CAST: variants seen among roughly 807,000 people sequenced by gnomAD.
CAST encodes MIR583 host.
In CAST, 76 loss-of-function variants were observed where a neutral mutation model predicts 119.6. The observed-to-expected ratio is 0.64, with a 90% CI of 0.53 to 0.77. The LOEUF is 0.77. Among genes scored for constraint, CAST ranks in the 30% least tolerant of loss-of-function variants. CAST has a pLI of 0.00. For missense variants in CAST, 953 were observed against 946.5 expected (o/e 1.01, Z -0.09); for synonymous variants, 319 against 331.6 (o/e 0.96, Z 0.41).
At chr5:96,462,473 T>C in the CAST span, among the ~76,000 whole-genome samples, 1 of 152,158 alleles carries the variant, frequency 6.6e-6, no homozygotes, top group East Asian at 1.9e-4. Context: ...TAGTAGTACA[T>C]GCTTTCTTGG....
the CAST span, among the ~76,000 whole-genome samples, chr5:95,998,434 T>G: frequency 2.0e-5 from 3 of 152,090 alleles, no homozygotes; most frequent in Non-Finnish European, 2.9e-5. Flanking sequence ...TTTTGTAGAC[T>G]CCAGTGTCTG....
the CAST span, among the ~76,000 whole-genome samples, chr5:96,208,906 T>C: frequency 6.6e-6 from 1 of 151,784 alleles, no homozygotes; most frequent in Admixed American, 6.6e-5. Flanking sequence ...GATTTGTTTA[T>C]TACTGTTGGT....
Position 96,673,640 on chromosome 5 carries a change from C to G in CAST, c.76-1899C>G, listed in dbSNP as rs187224579. Among the ~76,000 whole-genome samples the G allele has an allele frequency of 3.6e-3, 552 of 152,288 alleles. 1 individual carries two copies. Among genetic ancestry groups the G allele is most frequent in the Admixed American group, 8.0e-3 (123 of 15,290 alleles). On this transcript the variant is annotated intron_variant, in intron 1 of 31. Transcript: ENST00000675179. ...TTAGTAAGGTATCCGAGGACAGAGA[C>G]CACCTCATGCTAATGGCCCCCTTAT...
At chr5:96,536,474 T>C (rs1580814684) in intron 1 of CAST, among the ~76,000 whole-genome samples, 2 of 152,222 alleles carry the variant, frequency 1.3e-5, no homozygotes, top group Admixed American at 1.3e-4. Context: ...AGATCAATGA[T>C]GTCTTTGACA....
At chr5:96,501,502 G>A in the CAST span, among the ~76,000 whole-genome samples, 103 of 152,212 alleles carry the variant, frequency 6.8e-4, no homozygotes, top group Non-Finnish European at 1.1e-3. Flanking sequence ...AATCATAAGA[G>A]GATCATTTCA....
In CAST at chr5:96,565,077, G is replaced by GGTGTGTGTGTGTGTGTGTGTGT. The variant is rs61240765; in HGVS notation, c.60+35204_60+35225dup. 5.0e-4 allele frequency among the ~76,000 whole-genome samples: 74 copies of GGTGTGTGTGTGTGTGTGTGTGT among 148,742 alleles called. No individual in the cohort carries two copies. In the East Asian group the frequency reaches 0.01, roughly 21 times the overall value. ...TTAAAGTATAAAAACACATGGGAAAGGTGTGTGTGTGTGTGTGTGTGTGTG... is the reference window on the plus strand; with the variant it reads ...TTAAAGTATAAAAACACATGGGAAAGGTGTGTGTGTGTGTGTGTGTGTGTGTGTGTGTGTGTGTGTGTGTGTG... On this transcript the variant is annotated intron_variant, in intron 1 of 11. Coordinates refer to the CAST transcript ENST00000505143.
At chr5:96,655,721 A>G (rs1373295214) in intron 1 of CAST, among the ~76,000 whole-genome samples, 1 of 152,264 alleles carries the variant, frequency 6.6e-6, no homozygotes, top group Non-Finnish European at 1.5e-5. Flanking sequence ...ATAGTTGGTT[A>G]TGACATTTAG....
At chr5:96,220,512 A>T in the CAST span, among the ~76,000 whole-genome samples, 2 of 152,208 alleles carry the variant, frequency 1.3e-5, no homozygotes, top group Non-Finnish European at 2.9e-5. Context: ...TTCACAGAAA[A>T]AAGAAACTGA....
chr5:95,987,931 C>A, the CAST span, among the ~76,000 whole-genome samples: 3 of 152,206 alleles, frequency 2.0e-5, no homozygotes, highest in African/African-American at 4.8e-5. Context: ...GCAGAGATAT[C>A]AAATGTTTCC....
the CAST span, among the ~76,000 whole-genome samples, chr5:96,095,125 G>GTCTAAA: frequency 1.3e-5 from 2 of 152,166 alleles, no homozygotes; most frequent in Admixed American, 1.3e-4. Context: ...GCTGTATCTT[G>GTCTAAA]TGTCAGTCAT....
chr5:96,550,804 AG>A (rs1295546849), intron 1 of CAST, among the ~76,000 whole-genome samples: 1 of 152,264 alleles, frequency 6.6e-6, no homozygotes, highest in Non-Finnish European at 1.5e-5. Flanking sequence ...ATCAAGTGGA[AG>A]AAAGGATATC....
the CAST span, among the ~76,000 whole-genome samples, chr5:96,426,397 T>C: frequency 3.9e-5 from 6 of 152,152 alleles, no homozygotes; most frequent in East Asian, 9.6e-4. Context: ...ATTGCAAATA[T>C]TTTATAAAGT....
the CAST span, among the ~76,000 whole-genome samples, chr5:96,428,162 G>A: frequency 1.3e-5 from 2 of 152,172 alleles, no homozygotes; most frequent in East Asian, 3.9e-4. Context: ...AATTCTATCA[G>A]TTTCAGAATG....
the CAST span, chr5:96,408,363 C>G: frequency 6.9e-6 from 10 of 1,446,254 alleles, no homozygotes; most frequent in Non-Finnish European, 8.7e-6. Context: ...AGGGAGAACA[C>G]GTGAGGAGTG....
the CAST span, among the ~76,000 whole-genome samples, chr5:96,411,598 C>T: frequency 2.0e-4 from 31 of 152,224 alleles, no homozygotes; most frequent in South Asian, 4.8e-3. Context: ...TCAACAGGCA[C>T]GTGCAGAGCA....
chr5:96,559,364 C>T (rs923097789), intron 1 of CAST, among the ~76,000 whole-genome samples: 2 of 152,130 alleles, frequency 1.3e-5, no homozygotes, highest in African/African-American at 4.8e-5. Flanking sequence ...CCAGGGCAAT[C>T]AGGCAGGAGA....
At position 96,740,084 on chromosome 5, in the gene CAST, TCA is replaced by T; in HGVS notation, c.848_849del (p.Thr283AsnfsTer6). On this transcript the variant is annotated frameshift_variant, in exon 12 of 32. Coordinates refer to ENST00000675179, the MANE Select transcript of CAST (RefSeq NM_001750.7). LOFTEE classifies it high-confidence loss of function. ...ATAGAGGAATTGGGTAAAAGAGAAG[TCA>T]CAATTCCTCCAAAATATAGGGAACT... 1 of 1,575,690 alleles carries T rather than the reference TCA, an allele frequency of 6.3e-7. No homozygotes were observed. The highest frequency in any genetic ancestry group is 8.7e-7 in the Non-Finnish European group (1 of 1,152,408).
intron 1 of CAST, among the ~76,000 whole-genome samples, chr5:96,671,551 A>T (rs903006255): frequency 6.6e-6 from 1 of 152,100 alleles, no homozygotes; most frequent in Non-Finnish European, 1.5e-5. Flanking sequence ...TCAGATCTTC[A>T]GTTGCTTTAT....
the CAST span, among the ~76,000 whole-genome samples, chr5:96,365,239 T>A: frequency 6.6e-6 from 1 of 152,232 alleles, no homozygotes; most frequent in East Asian, 1.9e-4. Flanking sequence ...GTGCTTTACT[T>A]CCAACTATGT....
Sources: allele counts gnomAD v4.1 joint callset (sites outside exome capture counted in the v4.1 genomes callset), GRCh38; gene constraint gnomAD v4.1.1; transcripts MANE v1.5; gene names NCBI Gene and HGNC (gene_info 2026-07-23, HGNC 2026-07-21).